The following FBXL20 variants were observed in gnomAD, a reference collection of about 807,000 sequenced individuals.
The protein encoded by FBXL20 is F-box and leucine rich repeat protein 20.
FBXL20 carries 11 observed loss-of-function variants against 64.0 expected under a neutral mutation model. That is an observed-to-expected ratio of 0.17 (90% CI 0.11 to 0.28). The LOEUF (loss-of-function observed/expected upper bound fraction) is 0.28, where lower values mean the gene tolerates loss of function less well. FBXL20 is among the 10% of genes least tolerant of loss of function. The pLI, the probability that FBXL20 is intolerant of heterozygous loss-of-function variation, is 1.00. For synonymous variants in FBXL20, 184 were observed against 189.0 expected, an observed-to-expected ratio of 0.97 and a Z score of 0.22; for missense variants, 303 against 526.2, an observed-to-expected ratio of 0.58 and a Z score of 4.15.
chr17:39,334,972 T>G (rs946497577), intron 2 of FBXL20, among the ~76,000 whole-genome samples: 1 of 152,174 alleles, frequency 6.6e-6, no homozygotes, highest in Non-Finnish European at 1.5e-5. Flanking sequence ...CTCAGTTGTA[T>G]GTAAGAAAAC....
chr17:39,302,134 C>T (rs1597785292), intron 3 of FBXL20, among the ~76,000 whole-genome samples: 1 of 151,740 alleles, frequency 6.6e-6, no homozygotes, highest in African/African-American at 2.4e-5. Context: ...AAGGTAAAAC[C>T]AAACATCAAA....
chr17:39,345,819 G>C (rs1043508452), intron 1 of FBXL20, among the ~76,000 whole-genome samples: 1 of 152,122 alleles, frequency 6.6e-6, no homozygotes, highest in African/African-American at 2.4e-5. Flanking sequence ...AAGATTACAG[G>C]TGTGAGCTAC....
In FBXL20 at chr17:39,282,915, G is replaced by A. The variant is rs548512124; in HGVS notation, c.495-60C>T. On this transcript the variant is annotated intron_variant, in intron 7 of 14. Transcript: ENST00000264658. Reference sequence around the variant, plus strand: ...TAAATCCAATTCCAAAAACACCAACGTCTCAATTTATTGGCTATTTAGTAA... The same window carrying A: ...TAAATCCAATTCCAAAAACACCAACATCTCAATTTATTGGCTATTTAGTAA... 2.3e-5 allele frequency: 36 copies of A among 1,588,252 alleles called. No homozygotes were observed. The Admixed American group carries it at 2.9e-4, about 13-fold the overall frequency.
Position 39,343,259 on chromosome 17 carries a change from T to G in FBXL20, c.43-18A>C. 6.4e-7 allele frequency: 1 copy of G among 1,562,272 alleles called. No individual in the cohort carries two copies. The highest frequency in any genetic ancestry group is 8.7e-7 in the Non-Finnish European group (1 of 1,146,846). ...GAGAACATCTGCAAAAACAAAATCA[T>G]AGTGTCAAGTGTTACTTAACATTTT... On this transcript the variant is annotated intron_variant, in intron 1 of 14. Transcript: ENST00000264658.
At chr17:39,269,023 CTTTT>C (rs2046816678) in intron 11 of FBXL20, 152 bp from the exon 12 acceptor site, 3 of 698,000 alleles carry the variant, frequency 4.3e-6, no homozygotes, top group Non-Finnish European at 4.7e-6. Context: ...TTTTTTCTTT[CTTTT>C]GAGACAAGGT....
chr17:39,400,503 G>C (rs1439045256), intron 1 of FBXL20, among the ~76,000 whole-genome samples: 1 of 152,154 alleles, frequency 6.6e-6, no homozygotes, highest in Non-Finnish European at 1.5e-5. Context: ...TCTTCCTGTA[G>C]AAGTTTCTTT....
Position 39,362,280 on chromosome 17 carries a change from G to A in FBXL20, c.43-19039C>T, listed in dbSNP as rs543300152. Among the ~76,000 whole-genome samples the A allele has an allele frequency of 4.6e-5, 7 of 150,622 alleles. No homozygotes were observed. The South Asian group carries it at 6.3e-4, about 14-fold the overall frequency. The stretch of plus-strand genomic sequence containing the variant: ...TGCATTGCAGCCTGGGCAACAGAGC[G>A]AGACTCCGTCTCAAAAAAAAAAGAA... On this transcript the variant is annotated intron_variant, in intron 1 of 14. Transcript: ENST00000264658.
chr17:39,265,403 T>G lies in FBXL20; in HGVS notation c.984A>C (p.Gln328His). Residue 328 changes from glutamine to histidine, a missense_variant, in exon 13 of 15, where the codon CAA (glutamine) becomes CAC (histidine). Around this residue, in one of 3 missense-constraint regions of FBXL20, gnomAD observed 246 missense variants for 422.6 expected, o/e 0.58. Transcript: ENST00000264658. ...TTTTCAAAGTTAAACTCACCAATACTTGAAGTCGAGGACAGTGTATAGAAA... is the reference window on the plus strand; with the variant it reads ...TTTTCAAAGTTAAACTCACCAATACGTGAAGTCGAGGACAGTGTATAGAAA... ...IQLSIHCPRL[Q>H]VLSLSHCELI... 1.2e-6 allele frequency: 2 copies of G among 1,609,124 alleles called. No individual in the cohort carries two copies. Among genetic ancestry groups the G allele is most frequent in the Non-Finnish European group, 1.7e-6 (2 of 1,176,388 alleles).
chr17:39,335,582 CAAAAAAAAAA>C lies in FBXL20; in HGVS notation c.104+7588_104+7597del, dbSNP rs36023380. 6.5e-5 allele frequency among the ~76,000 whole-genome samples: 5 copies of C among 77,356 alleles called. No homozygotes were observed. In the South Asian group the frequency reaches 1.5e-3, roughly 23 times the overall value. The allele number at this position is 77,356 out of a possible 152,430, so 50.7% of individuals were successfully genotyped here. ...TGGGCAACAGAGTGAGACTCCGTCT[CAAAAAAAAAA>C]AAAAAAAAAAAAGAAGGAATCTTTG... On this transcript the variant is annotated intron_variant, in intron 2 of 14. Coordinates refer to ENST00000264658, the MANE Select transcript of FBXL20 (RefSeq NM_032875.3).
At chr17:39,337,715 G>A (rs1212483916) in intron 2 of FBXL20, among the ~76,000 whole-genome samples, 1 of 151,290 alleles carries the variant, frequency 6.6e-6, no homozygotes. Flanking sequence ...CCCGGCAGTT[G>A]CCCCGTCTGA....
chr17:39,257,883 A>G lies in FBXL20; in HGVS notation c.*3577T>C, dbSNP rs2046709092. On this transcript the variant is annotated 3_prime_UTR_variant, in exon 15 of 15. Coordinates refer to ENST00000264658, the MANE Select transcript of FBXL20 (RefSeq NM_032875.3). ...GGAAATCAGTGCAAAAATAAGCTGGAGTCAGCTCAATGGGGCTGATGAAGA... is the reference window on the plus strand; with the variant it reads ...GGAAATCAGTGCAAAAATAAGCTGGGGTCAGCTCAATGGGGCTGATGAAGA... 1 of 153,012 alleles carries G rather than the reference A, an allele frequency of 6.5e-6. No individual in the cohort carries two copies. Among genetic ancestry groups the G allele is most frequent in the South Asian group, 2.1e-4 (1 of 4,826 alleles). 9.5% of individuals were successfully genotyped at this position (153,012 alleles called of 1,614,324 possible).
At chr17:39,295,801 ATATATT>A (rs1229892810) in intron 6 of FBXL20, among the ~76,000 whole-genome samples, 1 of 149,980 alleles carries the variant, frequency 6.7e-6, no homozygotes, top group Non-Finnish European at 1.5e-5. Context: ...ATATATATAT[ATATATT>A]AAGTCTTCTG....
chr17:39,289,519 T>C (rs1422098320), intron 6 of FBXL20, among the ~76,000 whole-genome samples: 1 of 151,896 alleles, frequency 6.6e-6, no homozygotes, highest in African/African-American at 2.4e-5. Flanking sequence ...TAGCCAGGCA[T>C]GGTGACACAC....
intron 2 of FBXL20, among the ~76,000 whole-genome samples, chr17:39,327,846 G>A (rs977883634): frequency 1.3e-5 from 2 of 152,018 alleles, no homozygotes; most frequent in East Asian, 1.9e-4. Flanking sequence ...GACTATAGGC[G>A]CCTGCCACCA....
chr17:39,297,126 C>T lies in FBXL20; in HGVS notation c.398+1G>A, dbSNP rs781515315. The T allele has an allele frequency of 2.5e-6, 4 of 1,600,840 alleles. No individual in the cohort carries two copies. Among genetic ancestry groups the T allele is most frequent in the Admixed American group, 1.7e-5 (1 of 59,724 alleles). ...ATCCTCCAAAAACATAAAATACTTACGCGTCTGTTGTCTTTGTACACCCAT... is the reference window on the plus strand; with the variant it reads ...ATCCTCCAAAAACATAAAATACTTATGCGTCTGTTGTCTTTGTACACCCAT... On this transcript the variant is annotated splice_donor_variant, in intron 6 of 14. Coordinates refer to ENST00000264658, the MANE Select transcript of FBXL20 (RefSeq NM_032875.3). LOFTEE classifies it high-confidence loss of function.
chr17:39,400,542 T>C (rs1045141124), intron 1 of FBXL20, among the ~76,000 whole-genome samples: 1 of 152,220 alleles, frequency 6.6e-6, no homozygotes, highest in Non-Finnish European at 1.5e-5. Flanking sequence ...CCTTCCAGTA[T>C]ATTGTTATAC....
chr17:39,304,802 G>T (rs2047167267), intron 2 of FBXL20, among the ~76,000 whole-genome samples: 1 of 151,794 alleles, frequency 6.6e-6, no homozygotes, highest in Non-Finnish European at 1.5e-5. Flanking sequence ...TTGTTTTTTT[G>T]AGAGAGACTC....
At chr17:39,381,529 G>A (rs1200146030) in intron 1 of FBXL20, among the ~76,000 whole-genome samples, 1 of 149,062 alleles carries the variant, frequency 6.7e-6, no homozygotes, top group Non-Finnish European at 1.5e-5. Flanking sequence ...TGTAGTTCAT[G>A]CCTGTAATCC....
chr17:39,320,290 AAT>A (rs1306363079), intron 2 of FBXL20, among the ~76,000 whole-genome samples: 1 of 152,186 alleles, frequency 6.6e-6, no homozygotes, highest in Admixed American at 6.6e-5. Flanking sequence ...TAATTAAAAA[AAT>A]ATGTTTATAG....
Sources: gnomAD v4.1 joint callset for allele counts (sites outside exome capture counted in the v4.1 genomes callset) on GRCh38, gnomAD v4.1.1 for gene constraint, gnomAD v4.1.1 regional missense constraint, MANE v1.5 for transcripts, NCBI Gene and HGNC (gene_info 2026-07-23, HGNC 2026-07-21) for gene names.